Variants in ZNHIT6 observed in about 807,000 individuals in gnomAD.
ZNHIT6 encodes zinc finger HIT-type containing 6, also known as box C/D snoRNA protein 1.
A neutral mutation model predicts 57.2 loss-of-function variants in ZNHIT6; 45 were observed. The observed-to-expected ratio is 0.79, with a 90% confidence interval of 0.62 to 1.01. The LOEUF (loss-of-function observed/expected upper bound fraction) is 1.01. ZNHIT6 is among the 50% of genes least tolerant of loss of function. The pLI is 0.00. For synonymous variants in ZNHIT6, 188 were observed against 190.0 expected, an observed-to-expected ratio of 0.99 and a Z score of 0.09; for missense variants, 528 against 567.3, an observed-to-expected ratio of 0.93 and a Z score of 0.70.
At chr1:85,670,817 T>C (rs1284948869) in intron 8 of ZNHIT6, among the ~76,000 whole-genome samples, 2 of 152,154 alleles carry the variant, frequency 1.3e-5, no homozygotes, top group African/African-American at 4.8e-5. Context: ...CAAGGTAAGG[T>C]GGCAAGGTAG....
chr1:85,687,772 C>T (rs1475374435), intron 5 of ZNHIT6, among the ~76,000 whole-genome samples: 1 of 152,140 alleles, frequency 6.6e-6, no homozygotes, highest in Non-Finnish European at 1.5e-5. Context: ...ATGAGGTAAG[C>T]TAAAGCTAGA....
In ZNHIT6 at chr1:85,651,393, AC is replaced by A. The variant is rs1660905019; in HGVS notation, c.*2664del. On this transcript the variant is annotated 3_prime_UTR_variant, in exon 10 of 10. Coordinates refer to ENST00000370574, the MANE Select transcript of ZNHIT6 (RefSeq NM_017953.4). The stretch of plus-strand genomic sequence containing the variant: ...GCTGGAATTACAGGTGCCTGCCACC[AC>A]GCCTGGCTAATTTTTGTATTTTTAG... 6.6e-6 allele frequency: 1 copy of A among 152,068 alleles called. No individual in the cohort carries two copies. The highest frequency in any genetic ancestry group is 6.5e-5 in the Admixed American group (1 of 15,272). The allele number at this position is 152,068 out of a possible 1,614,324, so 9.4% of individuals were successfully genotyped here. A position where few individuals can be genotyped will look rare whatever the true frequency, so the allele number is the denominator to read the frequency against.
At chr1:85,683,139 C>T (rs999911436) in intron 5 of ZNHIT6, among the ~76,000 whole-genome samples, 3 of 152,090 alleles carry the variant, frequency 2.0e-5, no homozygotes, top group African/African-American at 7.2e-5. Flanking sequence ...ATCACCTGAG[C>T]CCAGGAGATT....
At chr1:85,672,231 C>T (rs1488006703) in intron 8 of ZNHIT6, among the ~76,000 whole-genome samples, 4 of 152,066 alleles carry the variant, frequency 2.6e-5, no homozygotes, top group Admixed American at 6.6e-5. Flanking sequence ...ACTGTAGTCA[C>T]CTTTGATTCC....
At chr1:85,682,139 A>G (rs2100685396) in intron 5 of ZNHIT6, among the ~76,000 whole-genome samples, 1 of 150,266 alleles carries the variant, frequency 6.7e-6, no homozygotes, top group South Asian at 2.1e-4. Flanking sequence ...TCTCTCCTGA[A>G]TAGCTGGGAC....
At chr1:85,678,664 A>T in intron 7 of ZNHIT6, 37 bp downstream of exon 7, 1 of 1,352,072 alleles carries the variant, frequency 7.4e-7, no homozygotes, top group Non-Finnish European at 1.0e-6. Flanking sequence ...CAACATTTTT[A>T]ATTATTTCAG....
intron 4 of ZNHIT6, among the ~76,000 whole-genome samples, chr1:85,703,182 G>A (rs1395380542): frequency 6.6e-6 from 1 of 152,018 alleles, no homozygotes; most frequent in African/African-American, 2.4e-5. Flanking sequence ...TCAGGATAAG[G>A]GTGAACCAGA....
chr1:85,660,510 A>C (rs821390), intron 8 of ZNHIT6, among the ~76,000 whole-genome samples: 2 of 152,042 alleles, frequency 1.3e-5, no homozygotes, highest in Non-Finnish European at 2.9e-5. Flanking sequence ...AGAGTTCTTC[A>C]AAGGCCACAT....
At chr1:85,689,995 A>C (rs957039646) in intron 5 of ZNHIT6, among the ~76,000 whole-genome samples, 9 of 152,228 alleles carry the variant, frequency 5.9e-5, no homozygotes, top group African/African-American at 1.9e-4. Flanking sequence ...ACTGCGGAGA[A>C]AATATGTACT....
At chr1:85,654,547 TA>T (rs1167260524) in intron 9 of ZNHIT6, among the ~76,000 whole-genome samples, 1 of 152,108 alleles carries the variant, frequency 6.6e-6, no homozygotes, top group Non-Finnish European at 1.5e-5. Flanking sequence ...GAAAGAAGAA[TA>T]GAAATGGAGC....
rs1424757461 is a variant in ZNHIT6 at position 85,677,305 on chromosome 1, G to T, written c.1178C>A (p.Ala393Asp). Residue 393 changes from alanine to aspartate, a missense_variant, in exon 8 of 10, where the codon GCC becomes GAC. Ala to Asp is a moderately radical substitution (Grantham distance 126). Transcript: ENST00000370574. ...AACCCCAGTCTGAGAGCGAATGTAG[G>T]CTTTCAACCTGAAATAAAAACATCA... ...SDPVIRQRLK[A>D]YIRSQTGVQI... The T allele has an allele frequency of 6.2e-7, 1 of 1,604,784 alleles. No homozygotes were observed. The highest frequency in any genetic ancestry group is 2.2e-5 in the East Asian group (1 of 44,602).
Position 85,708,327 on chromosome 1 carries a change from T to A in ZNHIT6, c.-43A>T, listed in dbSNP as rs1426595360. ...CCTCTGCTGCCACTCTATCCTTCAATGTGGCTGCTGCACACCAATAGGAGG... is the reference window on the plus strand; with the variant it reads ...CCTCTGCTGCCACTCTATCCTTCAAAGTGGCTGCTGCACACCAATAGGAGG... On this transcript the variant is annotated 5_prime_UTR_variant, in exon 1 of 10. Transcript: ENST00000370574. The A allele has an allele frequency of 1.3e-6, 2 of 1,549,782 alleles. No homozygotes were observed. The highest frequency in any genetic ancestry group is 1.7e-6 in the Non-Finnish European group (2 of 1,148,332).
At chr1:85,680,698 G>T in intron 6 of ZNHIT6, 138 bp downstream of exon 6, 1 of 550,316 alleles carries the variant, frequency 1.8e-6, no homozygotes, top group Non-Finnish European at 3.1e-6. Context: ...TTCATTTTTA[G>T]TGATGTTTAG....
chr1:85,657,666 TAGAAAC>T (rs1177323391), intron 9 of ZNHIT6, among the ~76,000 whole-genome samples, 175 bp downstream of exon 9: 2 of 152,156 alleles, frequency 1.3e-5, no homozygotes, highest in South Asian at 2.1e-4. Flanking sequence ...TATACGCTCT[TAGAAAC>T]AGAAGAGTAG....
rs1351838391 is a variant in ZNHIT6, at chr1:85,651,975, G to A, written c.*2083C>T. 6.6e-6 allele frequency: 1 copy of A among 152,190 alleles called. No homozygotes were observed. The highest frequency in any genetic ancestry group is 1.5e-5 in the Non-Finnish European group (1 of 68,038). 9.4% of individuals were successfully genotyped at this position (152,190 alleles called of 1,614,324 possible). A position where few individuals can be genotyped will look rare whatever the true frequency, so the allele number is the denominator to read the frequency against. On this transcript the variant is annotated 3_prime_UTR_variant, in exon 10 of 10. Transcript: ENST00000370574. ...AATTATATTTAGGGGAATTCTAAGAGTTATATTCTTTCCTAATAGCCTATA... is the reference window on the plus strand; with the variant it reads ...AATTATATTTAGGGGAATTCTAAGAATTATATTCTTTCCTAATAGCCTATA...
At chr1:85,666,920 G>C (rs935039824) in intron 8 of ZNHIT6, among the ~76,000 whole-genome samples, 3 of 151,766 alleles carry the variant, frequency 2.0e-5, no homozygotes, top group Non-Finnish European at 2.9e-5. Context: ...TTTTATTCTC[G>C]CTTTCTTTTA....
In ZNHIT6 at chr1:85,649,717, C is replaced by T. The variant is rs1382465813; in HGVS notation, c.*4341G>A. On this transcript the variant is annotated 3_prime_UTR_variant, in exon 10 of 10. Coordinates refer to ENST00000370574, the MANE Select transcript of ZNHIT6 (RefSeq NM_017953.4). ...GTCTTCATTTTTGAAGCATTTTCCC[C>T]TAGTACTCTAATTTCAAAATCAGTA... 6.6e-6 allele frequency: 1 copy of T among 152,054 alleles called. No individual in the cohort carries two copies. Among genetic ancestry groups the T allele is most frequent in the African/African-American group, 2.4e-5 (1 of 41,386 alleles). 9.4% of individuals were successfully genotyped at this position (152,054 alleles called of 1,614,324 possible). A position where few individuals can be genotyped will look rare whatever the true frequency, so the allele number is the denominator to read the frequency against.
rs1662679636 is a variant in ZNHIT6, at chr1:85,706,223, AATTTGCT to A, written c.829+19_829+25del. On this transcript the variant is annotated intron_variant, in intron 3 of 9. Transcript: ENST00000370574. ...CATATACCAATGGCCAGGAAGCCTC[AATTTGCT>A]ATGCATAAAGTGGCTTACCACTTAG... 6.2e-7 allele frequency: 1 copy of A among 1,609,558 alleles called. No homozygotes were observed. The highest frequency in any genetic ancestry group is 8.5e-7 in the Non-Finnish European group (1 of 1,176,968).
At position 85,707,912 on chromosome 1, in the gene ZNHIT6, AACT is replaced by A; in HGVS notation, c.370_372del (p.Ser124del). 6.2e-7 allele frequency: 1 copy of A among 1,613,684 alleles called. No homozygotes were observed. Among genetic ancestry groups the A allele is most frequent in the South Asian group, 1.1e-5 (1 of 91,046 alleles). ...CCCACCTTCGCTTCTTTTACCACTA[AACT>A]ACTATCCGTCTCCTGCTTCACCTCC... On this transcript the variant is annotated inframe_deletion, in exon 1 of 10. Transcript: ENST00000370574.
Sources: gnomAD v4.1 joint callset for allele counts (sites outside exome capture counted in the v4.1 genomes callset) on GRCh38, gnomAD v4.1.1 for gene constraint, MANE v1.5 for transcripts, NCBI Gene and HGNC (gene_info 2026-07-23, HGNC 2026-07-21) for gene names.